Variants in KRAS observed in about 807,000 individuals in gnomAD.
The protein encoded by KRAS is GTPase KRas.
In KRAS, 1 loss-of-function variant was observed where a neutral mutation model predicts 21.0. The ratio of observed to expected loss-of-function variants is 0.05; its 90% CI spans 0.02 to 0.23. The LOEUF (loss-of-function observed/expected upper bound fraction) is 0.23, where lower values mean the gene tolerates loss of function less well. Ranked by LOEUF, KRAS falls within the 10% of genes least tolerant of loss-of-function variation. The pLI, the probability that KRAS is intolerant of heterozygous loss-of-function variation, is 1.00. For synonymous variants in KRAS, 67 were observed against 72.5 expected (o/e 0.92, Z 0.39); for missense variants, 107 against 221.8 (o/e 0.48, Z 3.29).
At position 25,208,796 on chromosome 12, in the gene KRAS, G is replaced by C; in HGVS notation, c.*999C>G. The C allele has an allele frequency of 4.3e-6, 1 of 233,946 alleles. No homozygotes were observed. Among genetic ancestry groups the C allele is most frequent in the Non-Finnish European group, 8.4e-6 (1 of 118,770 alleles). 14.5% of individuals were successfully genotyped at this position (233,946 alleles called of 1,614,324 possible). ...AGCTCAAAGGTTCACACAGGGCCTGGCCTTGCAACCTTGGTCTCTTCAACA... is the reference window on the plus strand; with the variant it reads ...AGCTCAAAGGTTCACACAGGGCCTGCCCTTGCAACCTTGGTCTCTTCAACA... On this transcript the variant is annotated 3_prime_UTR_variant, in exon 5 of 5. Coordinates refer to ENST00000311936, the MANE Select transcript of KRAS (RefSeq NM_004985.5).
intron 4 of KRAS, among the ~76,000 whole-genome samples, chr12:25,224,127 T>C (rs535876957): frequency 4.7e-5 from 7 of 149,610 alleles, no homozygotes; most frequent in African/African-American, 1.5e-4. Context: ...GCACTGTCAG[T>C]TGTATAATGG....
rs2141477191 is a variant in KRAS, at chr12:25,206,239, T to A, written c.*3556A>T. ...TGGTGACAACAGTTTTGATAACCTA[T>A]AAAAGTTAGGTTCTAAATTCCTATG... On this transcript the variant is annotated 3_prime_UTR_variant, in exon 5 of 5. Transcript: ENST00000311936. The A allele has an allele frequency of 4.7e-6, 1 of 213,146 alleles. No individual in the cohort carries two copies. Among genetic ancestry groups the A allele is most frequent in the African/African-American group, 2.3e-5 (1 of 44,400 alleles). The allele number at this position is 213,146 out of a possible 1,614,324, so 13.2% of individuals were successfully genotyped here. A position where few individuals can be genotyped will look rare whatever the true frequency, so the allele number is the denominator to read the frequency against.
intron 4 of KRAS, among the ~76,000 whole-genome samples, chr12:25,220,192 T>C (rs56838378): frequency 0.012 from 1,810 of 152,336 alleles, 35 homozygotes; most frequent in African/African-American, 0.041. Context: ...GGCCATGCAC[T>C]GTCCAAAGGG....
chr12:25,229,183 C>T (rs1951433739), intron 2 of KRAS, among the ~76,000 whole-genome samples: 1 of 152,130 alleles, frequency 6.6e-6, no homozygotes, highest in Non-Finnish European at 1.5e-5. Context: ...AGTGTACATG[C>T]TGGTAACAAA....
At chr12:25,210,571 T>A (rs1342354597) in intron 4 of KRAS, 3 of 152,156 alleles carry the variant, frequency 2.0e-5, no homozygotes, top group African/African-American at 7.2e-5. Flanking sequence ...CACAGGAGAA[T>A]ACCACTTTAA....
intron 4 of KRAS, chr12:25,215,115 A>AAAGG: frequency 3.9e-6 from 1 of 258,304 alleles, no homozygotes; most frequent in Non-Finnish European, 5.9e-6. Context: ...AAAAAAAAAA[A>AAAGG]GCTGCTGATT....
intron 4 of KRAS, among the ~76,000 whole-genome samples, chr12:25,223,922 T>G (rs1951357759): frequency 6.6e-6 from 1 of 152,054 alleles, no homozygotes; most frequent in Non-Finnish European, 1.5e-5. Flanking sequence ...TATAGATGGA[T>G]CAATTTCTTA....
chr12:25,248,229 G>C (rs898805553), intron 1 of KRAS, among the ~76,000 whole-genome samples: 1 of 152,028 alleles, frequency 6.6e-6, no homozygotes, highest in Non-Finnish European at 1.5e-5. Flanking sequence ...GGGAGGCTTA[G>C]GCGGGCGGAT....
chr12:25,241,366 C>T (rs1457539385), intron 2 of KRAS, among the ~76,000 whole-genome samples: 1 of 152,106 alleles, frequency 6.6e-6, no homozygotes, highest in Admixed American at 6.5e-5. Flanking sequence ...AATAATTTGA[C>T]CAGTAGAGGG....
chr12:25,216,876 A>G (rs558246776), intron 4 of KRAS, among the ~76,000 whole-genome samples: 1 of 152,344 alleles, frequency 6.6e-6, no homozygotes, highest in African/African-American at 2.4e-5. Context: ...TAATCTATAT[A>G]TAGTGCAAAT....
intron 4 of KRAS, 26 bp downstream of exon 4, chr12:25,225,588 T>C (rs1045900093): frequency 6.2e-7 from 1 of 1,607,886 alleles, no homozygotes; most frequent in East Asian, 2.2e-5. Flanking sequence ...AGAAAACAGA[T>C]CTGTATTTAT....
chr12:25,215,647 T>C, intron 4 of KRAS: 1 of 1,158,816 alleles, frequency 8.6e-7, no homozygotes, highest in Non-Finnish European at 1.3e-6. Flanking sequence ...AGTTTGAGAT[T>C]ATGAGCTTGA....
intron 4 of KRAS, among the ~76,000 whole-genome samples, chr12:25,224,116 T>C (rs1050697935): frequency 4.1e-5 from 6 of 147,682 alleles, no homozygotes; most frequent in African/African-American, 1.5e-4. Context: ...ACAAACCTAC[T>C]GCACTGTCAG....
At chr12:25,210,476 A>T (rs1467786041) in intron 4 of KRAS, among the ~76,000 whole-genome samples, 1 of 152,092 alleles carries the variant, frequency 6.6e-6, no homozygotes, top group Non-Finnish European at 1.5e-5. Flanking sequence ...TAAACATATT[A>T]TTTCAGTTTT....
rs1951551662 is a variant in KRAS, at chr12:25,236,909, G to C, written c.111+8365C>G. Reference sequence around the variant, plus strand: ...TACCTTAGATATACACCCGAGAGAAGTGAAAACATATGGTCACACAAAAAC... The same window carrying C: ...TACCTTAGATATACACCCGAGAGAACTGAAAACATATGGTCACACAAAAAC... On this transcript the variant is annotated intron_variant, in intron 2 of 4. Coordinates refer to ENST00000311936, the MANE Select transcript of KRAS (RefSeq NM_004985.5). Among the ~76,000 whole-genome samples the C allele has an allele frequency of 2.6e-5, 4 of 152,074 alleles. No homozygotes were observed. The South Asian group carries it at 8.3e-4, about 32-fold the overall frequency.
intron 1 of KRAS, 130 bp downstream of exon 1, chr12:25,250,621 C>G (rs1951755393): frequency 3.0e-5 from 5 of 167,318 alleles, no homozygotes; most frequent in Admixed American, 6.4e-5. Context: ...CCGCCCCGAC[C>G]CCGCGCCCGC....
At chr12:25,247,531 A>T (rs1592825643) in intron 1 of KRAS, among the ~76,000 whole-genome samples, 1 of 152,202 alleles carries the variant, frequency 6.6e-6, no homozygotes, top group Non-Finnish European at 1.5e-5. Flanking sequence ...TTAGGAATAG[A>T]TGAGGAGAAT....
At chr12:25,217,750 T>G (rs1951272053) in intron 4 of KRAS, among the ~76,000 whole-genome samples, 1 of 152,044 alleles carries the variant, frequency 6.6e-6, no homozygotes, top group Non-Finnish European at 1.5e-5. Flanking sequence ...TAAGATAAAT[T>G]AGGCATGTTG....
At chr12:25,239,957 AC>A (rs1408623401) in intron 2 of KRAS, among the ~76,000 whole-genome samples, 1 of 152,220 alleles carries the variant, frequency 6.6e-6, no homozygotes, top group Non-Finnish European at 1.5e-5. Context: ...CATCTCAAAA[AC>A]AAAAAAAAAA....
Sources: allele counts gnomAD v4.1 joint callset (sites outside exome capture counted in the v4.1 genomes callset), GRCh38; gene constraint gnomAD v4.1.1; transcripts MANE v1.5; gene names NCBI Gene and HGNC (gene_info 2026-07-23, HGNC 2026-07-21).